Variants in ZFAT observed in about 807,000 individuals in gnomAD.
ZFAT encodes the protein zinc finger protein ZFAT.
In ZFAT, 64 loss-of-function variants were observed where a neutral mutation model predicts 117.7. That is an observed-to-expected ratio of 0.54 (90% CI 0.44 to 0.67). The LOEUF (loss-of-function observed/expected upper bound fraction) is 0.67, where lower values mean the gene tolerates loss of function less well. ZFAT is among the 30% of genes least tolerant of loss of function. ZFAT has a pLI of 0.00. For synonymous variants in ZFAT, 679 were observed against 615.0 expected, an observed-to-expected ratio of 1.10 and a Z score of -1.54; for missense variants, 1,433 against 1,584.5, an observed-to-expected ratio of 0.90 and a Z score of 1.62.
chr8:134,574,175 A>G (rs555966892), intron 10 of ZFAT, among the ~76,000 whole-genome samples: 4 of 152,172 alleles, frequency 2.6e-5, no homozygotes, highest in Non-Finnish European at 4.4e-5. Context: ...CCAGCAGGGT[A>G]CCTGCCTTGC....
At chr8:134,633,555 C>T (rs920271071) in intron 3 of ZFAT, among the ~76,000 whole-genome samples, 3 of 152,182 alleles carry the variant, frequency 2.0e-5, no homozygotes, top group African/African-American at 7.2e-5. Context: ...TGAAGAAATG[C>T]TGTACAGCCT....
chr8:134,818,354 A>T, the ZFAT span, among the ~76,000 whole-genome samples: 1 of 152,208 alleles, frequency 6.6e-6, no homozygotes, highest in Admixed American at 6.5e-5. Context: ...AGGGATGGCA[A>T]ATAAACATAT....
the ZFAT span, among the ~76,000 whole-genome samples, chr8:134,779,781 C>T: frequency 1.3e-5 from 2 of 152,300 alleles, no homozygotes; most frequent in Admixed American, 1.3e-4. Flanking sequence ...AATGTCAATG[C>T]TGCTTGAACA....
chr8:134,497,786 G>T (rs1818589554), intron 15 of ZFAT, among the ~76,000 whole-genome samples: 1 of 121,894 alleles, frequency 8.2e-6, no homozygotes, highest in Non-Finnish European at 1.7e-5. Flanking sequence ...GATTTGGTAG[G>T]GTTGGGGTGG....
At chr8:134,711,742 C>G (rs894157669) in intron 1 of ZFAT, among the ~76,000 whole-genome samples, 1 of 152,214 alleles carries the variant, frequency 6.6e-6, no homozygotes, top group African/African-American at 2.4e-5. Flanking sequence ...CATCTAGCAC[C>G]GCAGCAGGTG....
chr8:134,670,632 T>C (rs1832512683), intron 1 of ZFAT, among the ~76,000 whole-genome samples: 1 of 152,208 alleles, frequency 6.6e-6, no homozygotes, highest in African/African-American at 2.4e-5. Context: ...TAGCACTAAA[T>C]GCCCACAAGA....
chr8:134,711,238 G>A (rs1317383758), intron 1 of ZFAT, among the ~76,000 whole-genome samples: 1 of 152,216 alleles, frequency 6.6e-6, no homozygotes, highest in African/African-American at 2.4e-5. Context: ...CAGAGTGCTG[G>A]GATTACAGGC....
At chr8:134,547,816 C>T (rs1822812031) in intron 11 of ZFAT, among the ~76,000 whole-genome samples, 1 of 152,234 alleles carries the variant, frequency 6.6e-6, no homozygotes, top group African/African-American at 2.4e-5. Context: ...CAGGGCCTGG[C>T]TCACTGCATC....
intron 2 of ZFAT, among the ~76,000 whole-genome samples, chr8:134,645,413 TAA>T (rs1563720902): frequency 1.3e-5 from 2 of 152,212 alleles, no homozygotes; most frequent in South Asian, 4.1e-4. Flanking sequence ...TTTGTCATGT[TAA>T]GAGGCTGAGT....
chr8:134,549,153 G>A (rs1456114729), intron 11 of ZFAT, among the ~76,000 whole-genome samples: 1 of 152,120 alleles, frequency 6.6e-6, no homozygotes, highest in African/African-American at 2.4e-5. Flanking sequence ...ATAGAAATAC[G>A]AGTTCAGACC....
At chr8:134,515,691 A>G (rs956902420) in intron 13 of ZFAT, among the ~76,000 whole-genome samples, 2 of 152,108 alleles carry the variant, frequency 1.3e-5, no homozygotes, top group Admixed American at 1.3e-4. Flanking sequence ...AGTTCCTTGT[A>G]GATTCTGGAT....
chr8:134,825,523 C>A, the ZFAT span, among the ~76,000 whole-genome samples: 34 of 152,222 alleles, frequency 2.2e-4, 1 homozygote, highest in South Asian at 5.8e-3. Context: ...TTTCTTTACT[C>A]CATCAGATAA....
chr8:134,817,569 T>C, the ZFAT span, among the ~76,000 whole-genome samples: 4 of 151,948 alleles, frequency 2.6e-5, no homozygotes, highest in Non-Finnish European at 4.4e-5. Context: ...CTAAACCAAG[T>C]GCTATACCAT....
At chr8:134,750,292 G>GAAATAGAGAAATACAATGTT in the ZFAT span, among the ~76,000 whole-genome samples, 1 of 151,012 alleles carries the variant, frequency 6.6e-6, no homozygotes, top group African/African-American at 2.4e-5. Flanking sequence ...TGTTTTTACT[G>GAAATAGAGAAATACAATGTT]GAATAGAGAA....
intron 1 of ZFAT, among the ~76,000 whole-genome samples, chr8:134,699,105 A>G (rs1043074614): frequency 1.3e-5 from 2 of 152,226 alleles, no homozygotes; most frequent in South Asian, 2.1e-4. Context: ...CTAAAGTCCA[A>G]TGATCTTAAT....
rs571873861 is a variant in ZFAT at position 134,692,549 on chromosome 8, T to G, written c.19+20296A>C. ...ACAAAAAGAAGCGAAACTCAGTCCT[T>G]TCACTGAAATACGCTCACCTCCAAA... On this transcript the variant is annotated intron_variant, in intron 1 of 15. Transcript: ENST00000377838. Among the ~76,000 whole-genome samples the G allele has an allele frequency of 5.9e-5, 9 of 152,354 alleles. No homozygotes were observed. The South Asian group carries it at 1.9e-3, about 32-fold the overall frequency.
chr8:134,586,434 G>A (rs1403463601), intron 9 of ZFAT, among the ~76,000 whole-genome samples: 1 of 152,160 alleles, frequency 6.6e-6, no homozygotes, highest in Non-Finnish European at 1.5e-5. Flanking sequence ...TGAGTTTCGA[G>A]AGATGGAATT....
At chr8:134,704,648 C>G (rs1834100536) in intron 1 of ZFAT, among the ~76,000 whole-genome samples, 1 of 152,078 alleles carries the variant, frequency 6.6e-6, no homozygotes, top group Admixed American at 6.5e-5. Flanking sequence ...CAGTGTGGTA[C>G]TGATAAAGAA....
At chr8:134,801,317 C>G in the ZFAT span, among the ~76,000 whole-genome samples, 1 of 152,044 alleles carries the variant, frequency 6.6e-6, no homozygotes. Flanking sequence ...TTTTTGCATT[C>G]TTTCTGATTA....
Sources: gnomAD v4.1 joint callset for allele counts (sites outside exome capture counted in the v4.1 genomes callset) on GRCh38, gnomAD v4.1.1 for gene constraint, MANE v1.5 for transcripts, NCBI Gene and HGNC (gene_info 2026-07-23, HGNC 2026-07-21) for gene names.